The following SGCD variants were observed in gnomAD, a reference collection of about 807,000 sequenced individuals.
The protein encoded by SGCD is delta-sarcoglycan.
In SGCD, 18 loss-of-function variants were observed where a neutral mutation model predicts 36.6. The ratio of observed to expected loss-of-function variants is 0.49; its 90% CI spans 0.34 to 0.73. The LOEUF (loss-of-function observed/expected upper bound fraction) is 0.73, where lower values mean the gene tolerates loss of function less well. Among genes scored for constraint, SGCD ranks in the 30% least tolerant of loss-of-function variants. The pLI is 0.01. For missense variants in SGCD, 387 were observed against 346.7 expected, an observed-to-expected ratio of 1.12 and a Z score of -0.92; for synonymous variants, 133 against 130.6, an observed-to-expected ratio of 1.02 and a Z score of -0.12.
At chr5:156,037,709 CAGTG>C (rs1355639982) in intron 1 of SGCD, among the ~76,000 whole-genome samples, 1 of 152,130 alleles carries the variant, frequency 6.6e-6, no homozygotes. Flanking sequence ...AAAGAACAAA[CAGTG>C]AGGTCTGGAA....
intron 1 of SGCD, among the ~76,000 whole-genome samples, chr5:156,108,360 T>C (rs1295811385): frequency 6.6e-6 from 1 of 152,164 alleles, no homozygotes; most frequent in East Asian, 1.9e-4. Flanking sequence ...TAGGAACTTT[T>C]GTCTCTTAAT....
chr5:156,499,035 T>C (rs1756331659), intron 3 of SGCD, among the ~76,000 whole-genome samples: 1 of 141,382 alleles, frequency 7.1e-6, no homozygotes, highest in African/African-American at 2.6e-5. Context: ...TCTTGCCTTT[T>C]CGTCTTAGTG....
At chr5:156,143,972 G>A (rs1367671943) in intron 3 of SGCD, among the ~76,000 whole-genome samples, 2 of 144,040 alleles carry the variant, frequency 1.4e-5, no homozygotes, top group African/African-American at 5.2e-5. Flanking sequence ...CCACCTATGA[G>A]TGAGAACATG....
At chr5:155,823,950 C>T in the SGCD span, among the ~76,000 whole-genome samples, 2 of 152,114 alleles carry the variant, frequency 1.3e-5, no homozygotes, top group Non-Finnish European at 2.9e-5. Context: ...AAGAGAGAAA[C>T]TCATAGGGGG....
chr5:156,695,716 C>A (rs1429285711), intron 7 of SGCD, among the ~76,000 whole-genome samples: 1 of 152,180 alleles, frequency 6.6e-6, no homozygotes, highest in East Asian at 1.9e-4. Context: ...AAGTAAGTAT[C>A]TTAGGCTTTG....
chr5:155,731,546 G>A, the SGCD span, among the ~76,000 whole-genome samples: 1 of 152,178 alleles, frequency 6.6e-6, no homozygotes, highest in Non-Finnish European at 1.5e-5. Flanking sequence ...ACACCCACTT[G>A]GAACCCATTG....
At chr5:156,136,656 A>C (rs1467892605) in intron 3 of SGCD, among the ~76,000 whole-genome samples, 1 of 152,214 alleles carries the variant, frequency 6.6e-6, no homozygotes, top group African/African-American at 2.4e-5. Context: ...CGAAGATTCC[A>C]TATAAGGAAG....
intron 1 of SGCD, among the ~76,000 whole-genome samples, chr5:155,926,439 T>G (rs936664534): frequency 1.3e-5 from 2 of 152,172 alleles, no homozygotes; most frequent in African/African-American, 4.8e-5. Context: ...GTAATGAAAC[T>G]TAATAAGCTT....
At chr5:155,813,175 A>G in the SGCD span, among the ~76,000 whole-genome samples, 1 of 152,050 alleles carries the variant, frequency 6.6e-6, no homozygotes, top group Non-Finnish European at 1.5e-5. Flanking sequence ...TTAGACAAAC[A>G]TATTGGATAG....
Position 156,131,251 on chromosome 5 carries a change from A to G in SGCD, c.-44+7232A>G, listed in dbSNP as rs550801941. Reference sequence around the variant, plus strand: ...TTGCAGAGGCAATGTCATTTAATAAAGAGCTCTGGTGTGAGACTGCCTTGG... The same window carrying G: ...TTGCAGAGGCAATGTCATTTAATAAGGAGCTCTGGTGTGAGACTGCCTTGG... On this transcript the variant is annotated intron_variant, in intron 3 of 9. Transcript: ENST00000517913. Among the ~76,000 whole-genome samples the G allele has an allele frequency of 6.6e-5, 10 of 152,316 alleles. No homozygotes were observed. In the East Asian group the frequency reaches 9.7e-4, roughly 15 times the overall value.
chr5:155,900,680 G>C (rs1321526537), intron 1 of SGCD, among the ~76,000 whole-genome samples: 3 of 148,884 alleles, frequency 2.0e-5, no homozygotes, highest in Admixed American at 6.9e-5. Context: ...CTTTTTAATA[G>C]ATGTTGGAAA....
intron 1 of SGCD, among the ~76,000 whole-genome samples, chr5:155,978,829 A>T (rs866477275): frequency 4.7e-4 from 68 of 145,522 alleles, no homozygotes; most frequent in South Asian, 2.4e-3. Flanking sequence ...GAGTTATTTT[A>T]AAAAAAAAAA....
At chr5:155,764,658 C>A in the SGCD span, among the ~76,000 whole-genome samples, 1 of 152,114 alleles carries the variant, frequency 6.6e-6, no homozygotes, top group African/African-American at 2.4e-5. Flanking sequence ...GAGGGGGTCA[C>A]AAGACCAACC....
intron 1 of SGCD, among the ~76,000 whole-genome samples, chr5:156,082,501 T>C (rs1000361618): frequency 6.6e-6 from 1 of 152,254 alleles, no homozygotes; most frequent in Non-Finnish European, 1.5e-5. Flanking sequence ...ATTTTGTGAT[T>C]GGCTTTAACT....
the SGCD span, among the ~76,000 whole-genome samples, chr5:155,830,749 A>G: frequency 6.6e-6 from 1 of 152,228 alleles, no homozygotes. Flanking sequence ...AGTCATTCTC[A>G]TACGACCTGT....
chr5:155,955,632 T>G (rs1032161864), intron 1 of SGCD, among the ~76,000 whole-genome samples: 1 of 152,144 alleles, frequency 6.6e-6, no homozygotes, highest in Non-Finnish European at 1.5e-5. Flanking sequence ...TAGAGTCAAG[T>G]ATTTCTGTTG....
At chr5:156,585,505 A>G (rs779055896) in intron 4 of SGCD, among the ~76,000 whole-genome samples, 1 of 152,232 alleles carries the variant, frequency 6.6e-6, no homozygotes, top group Non-Finnish European at 1.5e-5. Context: ...GTGTTATTTT[A>G]GTAAACATAG....
the SGCD span, among the ~76,000 whole-genome samples, chr5:155,731,263 CAGAG>C: frequency 6.8e-6 from 1 of 147,636 alleles, no homozygotes; most frequent in South Asian, 2.1e-4. Flanking sequence ...GCAAGAGTGG[CAGAG>C]AGAAAGGGAT....
intron 4 of SGCD, among the ~76,000 whole-genome samples, chr5:156,529,870 T>A (rs978206427): frequency 5.9e-5 from 9 of 152,270 alleles, no homozygotes; most frequent in Non-Finnish European, 1.2e-4. Context: ...ACTGTGGGAC[T>A]TTGCATTTCC....
Sources: allele counts gnomAD v4.1 joint callset (sites outside exome capture counted in the v4.1 genomes callset), GRCh38; gene constraint gnomAD v4.1.1; transcripts MANE v1.5; gene names NCBI Gene and HGNC (gene_info 2026-07-23, HGNC 2026-07-21).